The following PLCL1 variants were observed in gnomAD, a reference collection of about 807,000 sequenced individuals.
The protein encoded by PLCL1 is inactive phospholipase C-like protein 1.
PLCL1 carries 41 observed loss-of-function variants against 84.4 expected under a neutral mutation model. The observed-to-expected ratio is 0.49, with a 90% CI of 0.38 to 0.63. The LOEUF is 0.63. Among genes scored for constraint, PLCL1 ranks in the 30% least tolerant of loss-of-function variants. The probability of loss-of-function intolerance (pLI) is 0.00; values close to 1 mark genes in which losing one functional copy is unlikely to be tolerated. For synonymous variants in PLCL1, 490 were observed against 488.3 expected (o/e 1.00, Z -0.05); for missense variants, 1,206 against 1,367.8 (o/e 0.88, Z 1.87).
chr2:197,906,326 T>C (rs1688381320), intron 1 of PLCL1, among the ~76,000 whole-genome samples: 1 of 151,844 alleles, frequency 6.6e-6, no homozygotes, highest in African/African-American at 2.4e-5. Flanking sequence ...ATCCTTTCCC[T>C]ATTGCTTTTT....
intron 5 of PLCL1, among the ~76,000 whole-genome samples, chr2:198,123,039 C>T (rs576711473): frequency 3.9e-5 from 6 of 152,174 alleles, no homozygotes; most frequent in South Asian, 2.1e-4. Context: ...AAGACTGCCC[C>T]ACCTGGTCCA....
intron 1 of PLCL1, among the ~76,000 whole-genome samples, chr2:197,822,097 T>C (rs933892037): frequency 1.3e-5 from 2 of 152,128 alleles, no homozygotes; most frequent in African/African-American, 2.4e-5. Context: ...ATGTGAATCA[T>C]AGATAAACTC....
chr2:198,131,346 G>A (rs1041131395), intron 5 of PLCL1, among the ~76,000 whole-genome samples: 2 of 152,130 alleles, frequency 1.3e-5, no homozygotes, highest in African/African-American at 4.8e-5. Context: ...ATCCCTGTAC[G>A]TATTCCCACA....
intron 1 of PLCL1, among the ~76,000 whole-genome samples, chr2:197,846,440 G>A (rs1012837294): frequency 6.6e-6 from 1 of 152,116 alleles, no homozygotes; most frequent in South Asian, 2.1e-4. Context: ...TTAGGTTTCT[G>A]TCTGAGTATT....
chr2:197,999,278 G>A (rs988313395), intron 1 of PLCL1, among the ~76,000 whole-genome samples: 3 of 152,102 alleles, frequency 2.0e-5, no homozygotes, highest in African/African-American at 7.2e-5. Context: ...AAATGAAGAC[G>A]TAAACTGCCA....
intron 5 of PLCL1, among the ~76,000 whole-genome samples, chr2:198,112,285 G>A (rs973655195): frequency 9.9e-5 from 15 of 151,860 alleles, no homozygotes; most frequent in African/African-American, 3.4e-4. Context: ...GGACAGGTAC[G>A]ATTGGGAATC....
chr2:197,998,324 G>A (rs781276866), intron 1 of PLCL1, among the ~76,000 whole-genome samples: 40 of 151,850 alleles, frequency 2.6e-4, no homozygotes, highest in Non-Finnish European at 5.0e-4. Context: ...GCCAGACATC[G>A]AATGCAATAT....
chr2:197,901,690 A>C (rs542991870), intron 1 of PLCL1, among the ~76,000 whole-genome samples: 1 of 152,240 alleles, frequency 6.6e-6, no homozygotes. Context: ...AAGTGAAGAC[A>C]TCAAGGAGTT....
intron 1 of PLCL1, among the ~76,000 whole-genome samples, chr2:197,819,113 T>C (rs188856027): frequency 1.3e-3 from 192 of 151,702 alleles, no homozygotes; most frequent in African/African-American, 4.5e-3. Flanking sequence ...ATTTGAGGAG[T>C]AGAGAAAACC....
At chr2:198,058,018 T>C (rs959612954) in intron 1 of PLCL1, among the ~76,000 whole-genome samples, 2 of 152,340 alleles carry the variant, frequency 1.3e-5, no homozygotes, top group Admixed American at 1.3e-4. Context: ...ATAAATACTA[T>C]GTGACTTAAA....
At chr2:198,060,140 A>G (rs543395664) in intron 1 of PLCL1, among the ~76,000 whole-genome samples, 16 of 152,288 alleles carry the variant, frequency 1.1e-4, no homozygotes, top group Non-Finnish European at 2.2e-4. Context: ...CTTCTTTTTC[A>G]TTAAAAATGA....
At chr2:198,078,909 A>C (rs191595060) in intron 1 of PLCL1, among the ~76,000 whole-genome samples, 1 of 152,158 alleles carries the variant, frequency 6.6e-6, no homozygotes, top group Non-Finnish European at 1.5e-5. Context: ...TTACAATTTA[A>C]CCATTTTTAA....
chr2:197,968,284 G>A (rs935107381), intron 1 of PLCL1, among the ~76,000 whole-genome samples: 4 of 152,046 alleles, frequency 2.6e-5, no homozygotes, highest in Non-Finnish European at 5.9e-5. Context: ...AAACCCAAGT[G>A]GTCACATAAA....
rs146620360 is a variant in PLCL1, at chr2:198,129,144, C to T, written c.3106-17636C>T. On this transcript the variant is annotated intron_variant, in intron 5 of 5. Transcript: ENST00000428675. ...TTCTTTGACATATTTTTAAATGGCC[C>T]TGCAAAGCTATCTCTTGTGGGGGAA... Among the ~76,000 whole-genome samples the T allele has an allele frequency of 2.3e-3, 348 of 152,256 alleles. 2 individuals are homozygous for T. The highest frequency in any genetic ancestry group is 8.3e-3 in the African/African-American group (345 of 41,542).
At chr2:197,963,543 T>C (rs1689665922) in intron 1 of PLCL1, among the ~76,000 whole-genome samples, 1 of 152,160 alleles carries the variant, frequency 6.6e-6, no homozygotes, top group Admixed American at 6.5e-5. Flanking sequence ...TGATGTCTCT[T>C]CACTTTGTGG....
At chr2:197,935,149 T>C (rs1377446778) in intron 1 of PLCL1, among the ~76,000 whole-genome samples, 1 of 152,168 alleles carries the variant, frequency 6.6e-6, no homozygotes, top group Non-Finnish European at 1.5e-5. Context: ...CCTGGTGAGT[T>C]TGCAGAGAAA....
chr2:197,829,756 T>C (rs889214021), intron 1 of PLCL1, among the ~76,000 whole-genome samples: 1 of 152,216 alleles, frequency 6.6e-6, no homozygotes, highest in Non-Finnish European at 1.5e-5. Context: ...TCTGGTTGTT[T>C]CTTTAGCTTG....
chr2:197,931,337 G>A (rs1159256129), intron 1 of PLCL1, among the ~76,000 whole-genome samples: 1 of 152,036 alleles, frequency 6.6e-6, no homozygotes, highest in Non-Finnish European at 1.5e-5. Context: ...GTGCTCTGAG[G>A]ATATTTCAGG....
At chr2:197,994,334 T>C (rs746772747) in intron 1 of PLCL1, among the ~76,000 whole-genome samples, 2 of 152,220 alleles carry the variant, frequency 1.3e-5, no homozygotes, top group Non-Finnish European at 2.9e-5. Flanking sequence ...GGCTAGGAAC[T>C]TTAGCAGAAA....
Sources: gnomAD v4.1 joint callset for allele counts (sites outside exome capture counted in the v4.1 genomes callset) on GRCh38, gnomAD v4.1.1 for gene constraint, MANE v1.5 for transcripts, NCBI Gene and HGNC (gene_info 2026-07-23, HGNC 2026-07-21) for gene names.